The following DNAI4 variants were observed in gnomAD, a reference collection of about 807,000 sequenced individuals.
DNAI4 encodes WD repeat domain 78.
In DNAI4, 85 loss-of-function variants were observed where a neutral mutation model predicts 105.8. The ratio of observed to expected loss-of-function variants is 0.80; its 90% CI spans 0.67 to 0.96. The LOEUF is 0.96. Among genes scored for constraint, DNAI4 ranks in the 40% least tolerant of loss-of-function variants. DNAI4 has a pLI of 0.00. For synonymous variants in DNAI4, 352 were observed against 331.5 expected (o/e 1.06, Z -0.67); for missense variants, 1,014 against 1,005.6 (o/e 1.01, Z -0.11).
intron 16 of DNAI4, among the ~76,000 whole-genome samples, chr1:66,818,836 C>T (rs540246355): frequency 1.3e-5 from 2 of 152,102 alleles, no homozygotes; most frequent in African/African-American, 4.8e-5. Context: ...TTGCTTGAAC[C>T]TGGGAGGCAG....
At chr1:66,865,786 C>A (rs1447009814) in intron 6 of DNAI4, among the ~76,000 whole-genome samples, 1 of 152,152 alleles carries the variant, frequency 6.6e-6, no homozygotes, top group Non-Finnish European at 1.5e-5. Context: ...CTCCTAAATT[C>A]TCTTATGGAA....
intron 1 of DNAI4, among the ~76,000 whole-genome samples, chr1:66,915,821 A>C (rs1650022866): frequency 6.6e-6 from 1 of 152,126 alleles, no homozygotes; most frequent in Non-Finnish European, 1.5e-5. Flanking sequence ...GAATAATTTT[A>C]TATGAGAAAA....
At chr1:66,825,971 T>G (rs1572596312) in intron 15 of DNAI4, among the ~76,000 whole-genome samples, 1 of 152,246 alleles carries the variant, frequency 6.6e-6, no homozygotes. Context: ...TTAACGTTTT[T>G]ATTTCAACAT....
intron 13 of DNAI4, among the ~76,000 whole-genome samples, chr1:66,830,083 A>G (rs888588041): frequency 2.9e-4 from 44 of 152,338 alleles, no homozygotes; most frequent in African/African-American, 9.6e-4. Context: ...GAAAAATTAC[A>G]GCAGAAATAA....
At chr1:66,833,559 T>C in intron 13 of DNAI4, 26 bp downstream of exon 13, 2 of 1,609,894 alleles carry the variant, frequency 1.2e-6, no homozygotes, top group Non-Finnish European at 1.7e-6. Flanking sequence ...TTATGTCCAG[T>C]GGTAAATAAG....
At chr1:66,847,417 C>A in intron 8 of DNAI4, 67 bp downstream of exon 8, 1 of 1,477,822 alleles carries the variant, frequency 6.8e-7, no homozygotes, top group Non-Finnish European at 9.2e-7. Flanking sequence ...CTCAGCCTCC[C>A]AAAGTACTGG....
At chr1:66,857,908 TTAGA>T (rs1284068322) in intron 7 of DNAI4, among the ~76,000 whole-genome samples, 2 of 151,970 alleles carry the variant, frequency 1.3e-5, no homozygotes, top group Non-Finnish European at 2.9e-5. Context: ...AATGTATAAC[TTAGA>T]TTGAAATGGA....
At position 66,836,196 on chromosome 1, in the gene DNAI4, GAA is replaced by G. The variant is rs1491342347; in HGVS notation, c.1582-421_1582-420del. On this transcript the variant is annotated intron_variant, in intron 10 of 16. Coordinates refer to ENST00000371026, the MANE Select transcript of DNAI4 (RefSeq NM_024763.5). Reference sequence around the variant, plus strand: ...AGAAAGAAAGAAAGAAAGAAAGAAAGAAAGAAAGAAAGAGAGAGAGAGAGAGA... The same window carrying G: ...AGAAAGAAAGAAAGAAAGAAAGAAAGAGAAAGAAAGAGAGAGAGAGAGAGA... Among the ~76,000 whole-genome samples, 39 of 66,552 alleles carry G rather than the reference GAA, an allele frequency of 5.9e-4. 1 individual carries two copies. The highest frequency in any genetic ancestry group is 1.1e-3 in the African/African-American group (18 of 16,648). 43.7% of individuals were successfully genotyped at this position (66,552 alleles called of 152,430 possible).
At chr1:66,814,627 C>G (rs1645479298) in intron 16 of DNAI4, among the ~76,000 whole-genome samples, 1 of 152,198 alleles carries the variant, frequency 6.6e-6, no homozygotes, top group South Asian at 2.1e-4. Flanking sequence ...CTTGGCCTCC[C>G]AAAGTGCTGG....
intron 13 of DNAI4, among the ~76,000 whole-genome samples, chr1:66,830,356 A>G (rs1354834865): frequency 6.6e-6 from 1 of 152,162 alleles, no homozygotes; most frequent in Non-Finnish European, 1.5e-5. Context: ...ATTAGGAATC[A>G]CAGAGTGGTG....
intron 2 of DNAI4, among the ~76,000 whole-genome samples, chr1:66,894,761 T>C (rs182344768): frequency 3.3e-4 from 51 of 152,312 alleles, no homozygotes; most frequent in Admixed American, 1.2e-3. Context: ...TAAGTGTTTA[T>C]ATGTGCTCAG....
intron 1 of DNAI4, among the ~76,000 whole-genome samples, chr1:66,919,976 G>A (rs1329246497): frequency 6.6e-6 from 1 of 152,188 alleles, no homozygotes; most frequent in Non-Finnish European, 1.5e-5. Context: ...ATTCTGGGCA[G>A]AAGAAGGCAG....
intron 9 of DNAI4, among the ~76,000 whole-genome samples, 165 bp downstream of exon 9, chr1:66,840,304 C>T (rs1386301596): frequency 6.6e-6 from 1 of 152,056 alleles, no homozygotes; most frequent in Non-Finnish European, 1.5e-5. Flanking sequence ...TTTGCATTTC[C>T]CCCTTTTTAA....
intron 2 of DNAI4, among the ~76,000 whole-genome samples, chr1:66,894,160 C>T (rs1648111425): frequency 6.6e-6 from 1 of 152,132 alleles, no homozygotes; most frequent in Non-Finnish European, 1.5e-5. Context: ...CAGCCTCGGG[C>T]AGGTCCTTTA....
intron 10 of DNAI4, among the ~76,000 whole-genome samples, chr1:66,836,280 GAAAGAAAGAAAGAAAGAAAGAAA>G: frequency 6.9e-6 from 1 of 144,030 alleles, no homozygotes; most frequent in Non-Finnish European, 1.5e-5. Flanking sequence ...AAGAAAGAAA[GAAAGAAAGAAAGAAAGAAAGAAA>G]GAAAGAAAGA....
rs1557904471 is a variant in DNAI4, at chr1:66,833,662, C to A, written c.1936G>T (p.Gly646Ter). 3.1e-6 allele frequency: 5 copies of A among 1,613,206 alleles called. No individual in the cohort carries two copies. The African/African-American group carries it at 6.7e-5, about 22-fold the overall frequency. The part of the protein sequence containing the change: ...KRTTAASNKK[G>*]GEKEKKDEAL... ...TCATCTTTCTTTTCCTTTTCCCCTCCTTTTTTGTTACTGGCAGCTGTAGTT... is the reference window on the plus strand; with the variant it reads ...TCATCTTTCTTTTCCTTTTCCCCTCATTTTTTGTTACTGGCAGCTGTAGTT... Residue 646 changes from glycine (G) to a stop codon, truncating the protein, a stop_gained, in exon 13 of 17, where the codon GGA becomes TGA. Coordinates refer to ENST00000371026, the MANE Select transcript of DNAI4 (RefSeq NM_024763.5). LOFTEE classifies it high-confidence loss of function.
chr1:66,921,880 A>C (rs943304411), intron 1 of DNAI4, among the ~76,000 whole-genome samples: 1 of 147,372 alleles, frequency 6.8e-6, no homozygotes, highest in Non-Finnish European at 1.5e-5. Flanking sequence ...GCAGGTACAC[A>C]ATAAACTTGT....
chr1:66,916,001 A>G (rs536322606), intron 1 of DNAI4, among the ~76,000 whole-genome samples: 1 of 151,994 alleles, frequency 6.6e-6, no homozygotes, highest in East Asian at 1.9e-4. Context: ...GTGCACCTAT[A>G]ATCCATCTAC....
At chr1:66,899,297 A>G (rs563222380) in intron 2 of DNAI4, among the ~76,000 whole-genome samples, 1 of 152,210 alleles carries the variant, frequency 6.6e-6, no homozygotes, top group African/African-American at 2.4e-5. Flanking sequence ...CTTAGTGGGT[A>G]TAAAGTGAAT....
Sources: allele counts gnomAD v4.1 joint callset (sites outside exome capture counted in the v4.1 genomes callset), GRCh38; gene constraint gnomAD v4.1.1; transcripts MANE v1.5; gene names NCBI Gene and HGNC (gene_info 2026-07-23, HGNC 2026-07-21).